Variants in LRRTM4 observed in about 807,000 individuals in gnomAD.
LRRTM4 encodes the protein leucine rich repeat transmembrane neuronal 4, also known as leucine-rich repeat transmembrane neuronal protein 4.
In LRRTM4, 25 loss-of-function variants were observed where a neutral mutation model predicts 47.6. That is an observed-to-expected ratio of 0.53 (90% CI 0.38 to 0.73). The LOEUF is 0.73. LRRTM4 is among the 30% of genes least tolerant of loss of function. The pLI, the probability that LRRTM4 is intolerant of heterozygous loss-of-function variation, is 0.00. For missense variants in LRRTM4, 638 were observed against 713.4 expected (o/e 0.89, Z 1.20); for synonymous variants, 311 against 269.5 (o/e 1.15, Z -1.51).
intron 3 of LRRTM4, among the ~76,000 whole-genome samples, chr2:77,039,132 G>T (rs1477659758): frequency 1.3e-5 from 2 of 150,952 alleles, no homozygotes; most frequent in Non-Finnish European, 3.0e-5. Flanking sequence ...AAAATGATAA[G>T]AAAAAATAAG....
chr2:76,914,186 T>C (rs1330448340), intron 3 of LRRTM4, among the ~76,000 whole-genome samples: 2 of 152,000 alleles, frequency 1.3e-5, no homozygotes, highest in Non-Finnish European at 2.9e-5. Context: ...GTAAATTTAA[T>C]TGATATTCCC....
intron 3 of LRRTM4, among the ~76,000 whole-genome samples, chr2:77,399,846 G>A (rs1217810051): frequency 6.6e-6 from 1 of 151,814 alleles, no homozygotes; most frequent in Non-Finnish European, 1.5e-5. Context: ...ATTGAAATTG[G>A]GAAATCTTTT....
At chr2:77,497,196 A>C (rs191584024) in intron 3 of LRRTM4, among the ~76,000 whole-genome samples, 11 of 151,764 alleles carry the variant, frequency 7.2e-5, no homozygotes, top group Non-Finnish European at 1.6e-4. Flanking sequence ...TTTTTTTGCC[A>C]ATCAATCTGA....
intron 3 of LRRTM4, among the ~76,000 whole-genome samples, chr2:77,406,410 C>T (rs1409463737): frequency 2.0e-5 from 3 of 152,010 alleles, no homozygotes; most frequent in Non-Finnish European, 2.9e-5. Context: ...CAGCCTCTAA[C>T]TCCTGGGCTC....
intron 3 of LRRTM4, among the ~76,000 whole-genome samples, chr2:77,351,792 A>G (rs888958436): frequency 2.0e-5 from 3 of 151,926 alleles, no homozygotes; most frequent in African/African-American, 7.3e-5. Context: ...AAAATGAGGA[A>G]CAAAAAGATC....
At chr2:77,343,549 C>T (rs1242676212) in intron 3 of LRRTM4, among the ~76,000 whole-genome samples, 1 of 151,564 alleles carries the variant, frequency 6.6e-6, no homozygotes, top group Non-Finnish European at 1.5e-5. Flanking sequence ...CTTGGGTAAC[C>T]TGTACTAAAT....
intron 3 of LRRTM4, among the ~76,000 whole-genome samples, chr2:76,891,299 C>A (rs1421018709): frequency 1.3e-5 from 2 of 151,686 alleles, no homozygotes; most frequent in African/African-American, 2.4e-5. Context: ...ACCCGCTCCT[C>A]CTAAAAAGAA....
chr2:76,844,693 G>T (rs1671788784), intron 3 of LRRTM4, among the ~76,000 whole-genome samples: 1 of 151,948 alleles, frequency 6.6e-6, no homozygotes, highest in African/African-American at 2.4e-5. Flanking sequence ...ACTTTCTATT[G>T]ACAATTATGT....
intron 3 of LRRTM4, among the ~76,000 whole-genome samples, chr2:77,189,142 G>A (rs74260769): frequency 0.033 from 4,976 of 151,960 alleles, 131 homozygotes; most frequent in African/African-American, 0.077. Context: ...ATGAAATAAA[G>A]TGCTTTTAGT....
intron 3 of LRRTM4, among the ~76,000 whole-genome samples, chr2:77,505,149 G>T (rs1434952000): frequency 6.6e-6 from 1 of 150,470 alleles, no homozygotes; most frequent in Non-Finnish European, 1.5e-5. Flanking sequence ...ATCTGGAAAA[G>T]AATATAATGA....
At chr2:77,121,712 G>A (rs1254134168) in intron 3 of LRRTM4, among the ~76,000 whole-genome samples, 1 of 151,834 alleles carries the variant, frequency 6.6e-6, no homozygotes, top group Non-Finnish European at 1.5e-5. Context: ...AAGTTTGACT[G>A]TAGTCCAATT....
intron 3 of LRRTM4, among the ~76,000 whole-genome samples, chr2:76,952,946 C>T (rs1360646642): frequency 6.6e-6 from 1 of 151,782 alleles, no homozygotes; most frequent in East Asian, 2.0e-4. Flanking sequence ...GAAACTACTG[C>T]CTGTTCTCCC....
chr2:77,517,151 C>A, intron 3 of LRRTM4: 1 of 984,996 alleles, frequency 1.0e-6, no homozygotes, highest in Non-Finnish European at 1.2e-6. Context: ...TTACATCCAG[C>A]ATTACTTATT....
chr2:77,071,986 T>G (rs1419419706), intron 3 of LRRTM4, among the ~76,000 whole-genome samples: 1 of 152,162 alleles, frequency 6.6e-6, no homozygotes, highest in Non-Finnish European at 1.5e-5. Context: ...GACTCTCTTA[T>G]TTTAGTTTGG....
At chr2:77,072,632 T>C (rs1354466412) in intron 3 of LRRTM4, among the ~76,000 whole-genome samples, 2 of 151,720 alleles carry the variant, frequency 1.3e-5, no homozygotes, top group East Asian at 3.9e-4. Context: ...ATCCCGTCTG[T>C]ACTAGGTATA....
intron 3 of LRRTM4, among the ~76,000 whole-genome samples, chr2:76,787,094 A>G (rs1674714718): frequency 6.6e-6 from 1 of 152,128 alleles, no homozygotes; most frequent in African/African-American, 2.4e-5. Context: ...GGAGAAAGAC[A>G]ATACATGTGG....
intron 3 of LRRTM4, chr2:77,517,961 C>G (rs1679280662): frequency 6.9e-6 from 7 of 1,016,750 alleles, no homozygotes; most frequent in Non-Finnish European, 8.2e-6. Context: ...TCCATTACAA[C>G]AGTCAAACAC....
rs375454964 is a variant in LRRTM4 at position 76,916,407 on chromosome 2, AG to A, written c.1552-167492del. Among the ~76,000 whole-genome samples, 297 of 145,562 alleles carry A rather than the reference AG, an allele frequency of 2.0e-3. 1 individual carries two copies. Among genetic ancestry groups the A allele is most frequent in the African/African-American group, 7.2e-3 (274 of 37,834 alleles). On this transcript the variant is annotated intron_variant, in intron 3 of 3. Transcript: ENST00000409884. Reference sequence around the variant, plus strand: ...CTCAAAAAAAAAAAAAAAAAAAAAAAGAAAAGAAAAAAAATATGTATGGTCA... The same window carrying A: ...CTCAAAAAAAAAAAAAAAAAAAAAAAAAAAGAAAAAAAATATGTATGGTCA...
chr2:76,882,556 T>G (rs1672962716), intron 3 of LRRTM4, among the ~76,000 whole-genome samples: 3 of 151,498 alleles, frequency 2.0e-5, no homozygotes, highest in Non-Finnish European at 4.4e-5. Context: ...AAAAAAAAAT[T>G]AACCAAGCAT....
Sources: allele counts gnomAD v4.1 joint callset (sites outside exome capture counted in the v4.1 genomes callset), GRCh38; gene constraint gnomAD v4.1.1; transcripts MANE v1.5; gene names NCBI Gene and HGNC (gene_info 2026-07-23, HGNC 2026-07-21).